DIS3L2: variants seen among roughly 807,000 people sequenced by gnomAD.
DIS3L2 encodes the protein DIS3 like 3'-5' exoribonuclease 2.
In DIS3L2, 34 loss-of-function variants were observed where a neutral mutation model predicts 97.5. That is an observed-to-expected ratio of 0.35 (90% CI 0.27 to 0.46). DIS3L2 has a LOEUF of 0.46. Among genes scored for constraint, DIS3L2 ranks in the 20% least tolerant of loss-of-function variants. The probability of loss-of-function intolerance (pLI) is 1.00; values close to 1 mark genes in which losing one functional copy is unlikely to be tolerated. For synonymous variants in DIS3L2, 435 were observed against 445.2 expected (o/e 0.98, Z 0.29); for missense variants, 1,038 against 1,146.0 (o/e 0.91, Z 1.36).
chr2:232,174,827 A>G (rs1691102707), intron 9 of DIS3L2, among the ~76,000 whole-genome samples: 1 of 151,562 alleles, frequency 6.6e-6, no homozygotes, highest in South Asian at 2.1e-4. Context: ...GAAAGCATTC[A>G]GTCATTCAGT....
chr2:232,055,817 A>G (rs1226467518), intron 5 of DIS3L2, among the ~76,000 whole-genome samples: 1 of 152,226 alleles, frequency 6.6e-6, no homozygotes, highest in Non-Finnish European at 1.5e-5. Context: ...AAATAGACTC[A>G]TATATGGTCA....
chr2:232,235,305 G>A (rs1040082672), intron 10 of DIS3L2, among the ~76,000 whole-genome samples: 3 of 152,112 alleles, frequency 2.0e-5, no homozygotes, highest in Admixed American at 6.5e-5. Flanking sequence ...TAAACATTTT[G>A]GCAGCATATG....
chr2:232,218,801 A>G (rs1007593100), intron 10 of DIS3L2, among the ~76,000 whole-genome samples: 5 of 152,056 alleles, frequency 3.3e-5, no homozygotes, highest in African/African-American at 1.2e-4. Context: ...TATCTTTCCT[A>G]CGTGGCACGC....
chr2:232,093,557 A>G (rs144812702), intron 6 of DIS3L2, among the ~76,000 whole-genome samples: 7 of 152,244 alleles, frequency 4.6e-5, no homozygotes, highest in African/African-American at 9.6e-5. Context: ...TACAGCTTCA[A>G]TCTTGTTATT....
intron 5 of DIS3L2, among the ~76,000 whole-genome samples, chr2:232,054,566 A>AT (rs1574840746): frequency 6.6e-6 from 1 of 152,130 alleles, no homozygotes; most frequent in Non-Finnish European, 1.5e-5. Flanking sequence ...TTAAAGTATG[A>AT]TTTTTGTCAT....
At chr2:232,301,455 A>G (rs532379969) in intron 14 of DIS3L2, among the ~76,000 whole-genome samples, 57 of 152,336 alleles carry the variant, frequency 3.7e-4, no homozygotes, top group African/African-American at 1.3e-3. Context: ...TCTACTGTCT[A>G]TGACCTTCCA....
chr2:232,329,785 T>TGCCGGGGGGA, intron 14 of DIS3L2, 28 bp from the exon 15 acceptor site: 1 of 967,144 alleles, frequency 1.0e-6, no homozygotes, highest in Non-Finnish European at 1.5e-6. Context: ...ACCCCAGCGG[T>TGCCGGGGGGA]CCCTCCCATC....
At chr2:231,981,616 A>G (rs1693262083) in intron 1 of DIS3L2, among the ~76,000 whole-genome samples, 1 of 141,842 alleles carries the variant, frequency 7.1e-6, no homozygotes, top group Non-Finnish European at 1.5e-5. Flanking sequence ...ATATATATAT[A>G]TATATATATA....
At chr2:232,343,482 A>G in exon 14 of DIS3L2, 2 of 1,556,066 alleles carry the variant, frequency 1.3e-6, no homozygotes, top group Non-Finnish European at 1.7e-6. Flanking sequence ...CAGACACACG[A>G]CTGTTTTTCC....
At chr2:232,000,725 C>CTTCT (rs1236573003) in intron 1 of DIS3L2, among the ~76,000 whole-genome samples, 39 of 91,142 alleles carry the variant, frequency 4.3e-4, no homozygotes, top group African/African-American at 1.4e-3. Flanking sequence ...TCTTCTTCTT[C>CTTCT]TTTTTTTTTT....
At chr2:232,338,114 CCTGA>C (rs976449350), downstream of DIS3L2, among the ~76,000 whole-genome samples, 7 of 152,196 alleles carry the variant, frequency 4.6e-5, no homozygotes, top group East Asian at 1.9e-4. Flanking sequence ...GCCCAGGCAG[CCTGA>C]CTGTGAGAGC....
intron 6 of DIS3L2, among the ~76,000 whole-genome samples, chr2:232,129,298 T>C (rs889681148): frequency 1.3e-4 from 20 of 152,342 alleles, no homozygotes; most frequent in Middle Eastern, 6.8e-3. Flanking sequence ...TTTCCTCAGT[T>C]ACTTTGTTCT....
intron 14 of DIS3L2, among the ~76,000 whole-genome samples, chr2:232,302,912 A>C (rs1694897964): frequency 1.3e-5 from 2 of 152,224 alleles, no homozygotes; most frequent in African/African-American, 4.8e-5. Flanking sequence ...TAGTAGGATT[A>C]ATTATTAATT....
intron 14 of DIS3L2, among the ~76,000 whole-genome samples, chr2:232,303,242 CCTGA>C (rs1256001888): frequency 2.6e-5 from 4 of 152,208 alleles, no homozygotes; most frequent in Non-Finnish European, 5.9e-5. Flanking sequence ...ACCCCAAAAT[CCTGA>C]CTATGATTTA....
At chr2:232,332,991 G>A (rs959713885) in intron 16 of DIS3L2, among the ~76,000 whole-genome samples, 15 of 151,996 alleles carry the variant, frequency 9.9e-5, no homozygotes, top group African/African-American at 2.7e-4. Flanking sequence ...GAGGATGGAC[G>A]TTGCCTCCTT....
At chr2:232,122,713 A>G (rs889028567) in intron 6 of DIS3L2, among the ~76,000 whole-genome samples, 1 of 149,828 alleles carries the variant, frequency 6.7e-6, no homozygotes, top group Non-Finnish European at 1.5e-5. Flanking sequence ...GCAAGACTCC[A>G]TCTCAAAAAC....
intron 20 of DIS3L2, chr2:232,336,121 C>T (rs1053757728): frequency 1.2e-5 from 18 of 1,538,662 alleles, no homozygotes; most frequent in Admixed American, 4.0e-5. Context: ...CCCGCTAATG[C>T]AGGGGTGCTG....
chr2:231,967,887 G>T (rs1692769201), intron 1 of DIS3L2, among the ~76,000 whole-genome samples: 1 of 151,890 alleles, frequency 6.6e-6, no homozygotes, highest in South Asian at 2.1e-4. Flanking sequence ...ATATTTTTTT[G>T]ATTTATTTAA....
At chr2:232,130,977 G>C in intron 7 of DIS3L2, 1 of 423,676 alleles carries the variant, frequency 2.4e-6, no homozygotes, top group Non-Finnish European at 4.1e-6. Context: ...TATCTTTCTT[G>C]CTTAAACCAC....
Sources: gnomAD v4.1 joint callset for allele counts (sites outside exome capture counted in the v4.1 genomes callset) on GRCh38, gnomAD v4.1.1 for gene constraint, MANE v1.5 for transcripts, NCBI Gene and HGNC (gene_info 2026-07-23, HGNC 2026-07-21) for gene names.